The following AK4 variants were observed in gnomAD, a reference collection of about 807,000 sequenced individuals.
The protein encoded by AK4 is adenylate kinase 4, mitochondrial.
A neutral mutation model predicts 24.6 loss-of-function variants in AK4; 13 were observed. That is an observed-to-expected ratio of 0.53 (90% CI 0.34 to 0.84). The LOEUF is 0.84. AK4 is among the 40% of genes least tolerant of loss of function. The probability of loss-of-function intolerance (pLI) is 0.01; values close to 1 mark genes in which losing one functional copy is unlikely to be tolerated. For missense variants in AK4, 192 were observed against 288.2 expected (o/e 0.67, Z 2.42); for synonymous variants, 88 against 107.0 (o/e 0.82, Z 1.10).
At chr1:65,210,768 A>G (rs1279778823) in intron 2 of AK4, among the ~76,000 whole-genome samples, 1 of 151,886 alleles carries the variant, frequency 6.6e-6, no homozygotes, top group East Asian at 1.9e-4. Flanking sequence ...TTTTCCCAGT[A>G]CCGTCCGCCC....
At chr1:65,189,183 C>T (rs891762818) in intron 1 of AK4, among the ~76,000 whole-genome samples, 3 of 152,058 alleles carry the variant, frequency 2.0e-5, no homozygotes, top group Non-Finnish European at 2.9e-5. Flanking sequence ...GATCCGCCTG[C>T]CTCGACCTCC....
At chr1:65,159,365 G>A (rs1299063271) in intron 1 of AK4, among the ~76,000 whole-genome samples, 3 of 152,204 alleles carry the variant, frequency 2.0e-5, no homozygotes, top group African/African-American at 4.8e-5. Flanking sequence ...GAAAGGTTGA[G>A]TAACTAACTT....
At chr1:65,164,718 C>G (rs370902185) in intron 1 of AK4, among the ~76,000 whole-genome samples, 6 of 152,264 alleles carry the variant, frequency 3.9e-5, no homozygotes, top group East Asian at 3.9e-4. Flanking sequence ...CTTGATGGCT[C>G]CCTTGGAAGC....
chr1:65,218,307 T>C lies in AK4; in HGVS notation c.266-447T>C, dbSNP rs7550324. ...TTTTTAACAGAAGTGGAAATGGAGG[T>C]GATGTAACTTGCCTGAGGTGACACA... is the stretch of plus-strand genomic sequence containing the variant. On this transcript the variant is annotated intron_variant, in intron 2 of 4. Transcript: ENST00000327299. 6.5e-3 allele frequency among the ~76,000 whole-genome samples: 991 copies of C among 152,094 alleles called. 10 individuals carry two copies. Among genetic ancestry groups the C allele is most frequent in the Middle Eastern group, 0.027 (8 of 294 alleles).
chr1:65,219,387 G>A (rs1181715202), intron 3 of AK4, among the ~76,000 whole-genome samples: 1 of 151,982 alleles, frequency 6.6e-6, no homozygotes, highest in Admixed American at 6.6e-5. Flanking sequence ...GAATAGCTGT[G>A]GAAATGGAAG....
intron 1 of AK4, among the ~76,000 whole-genome samples, chr1:65,152,467 G>A (rs1649830531): frequency 7.7e-6 from 1 of 129,444 alleles, no homozygotes; most frequent in Admixed American, 8.9e-5. Context: ...CAGTGGCACA[G>A]TCTCGGCTCA....
intron 1 of AK4, among the ~76,000 whole-genome samples, chr1:65,160,136 C>A (rs1320133648): frequency 1.3e-5 from 2 of 152,174 alleles, no homozygotes; most frequent in East Asian, 3.8e-4. Flanking sequence ...CATCTGAGTA[C>A]TCTAGAAACT....
intron 2 of AK4, among the ~76,000 whole-genome samples, chr1:65,204,352 A>G (rs937913096): frequency 3.3e-5 from 5 of 152,006 alleles, no homozygotes; most frequent in Admixed American, 2.6e-4. Flanking sequence ...GGCACGCACC[A>G]CCGTGACTGG....
chr1:65,199,620 CTT>C (rs1651601241), intron 2 of AK4, among the ~76,000 whole-genome samples: 1 of 152,068 alleles, frequency 6.6e-6, no homozygotes, highest in Non-Finnish European at 1.5e-5. Flanking sequence ...AATGCTGTGT[CTT>C]TAAGTTTGTG....
At chr1:65,225,510 A>G (rs1652426047) in intron 4 of AK4, among the ~76,000 whole-genome samples, 1 of 152,140 alleles carries the variant, frequency 6.6e-6, no homozygotes, top group Admixed American at 6.5e-5. Context: ...GTGAGGGGGA[A>G]TCTCAGTTTT....
intron 1 of AK4, among the ~76,000 whole-genome samples, chr1:65,175,161 G>T (rs1264094155): frequency 6.6e-6 from 1 of 152,176 alleles, no homozygotes; most frequent in African/African-American, 2.4e-5. Context: ...CGTTGTTCTT[G>T]CTGGCTGTTG....
At chr1:65,204,647 A>G (rs962498315) in intron 2 of AK4, among the ~76,000 whole-genome samples, 1 of 152,206 alleles carries the variant, frequency 6.6e-6, no homozygotes, top group African/African-American at 2.4e-5. Context: ...GGAGACTGAC[A>G]TATTTGTTTT....
chr1:65,191,460 G>A (rs1007279089), intron 2 of AK4, among the ~76,000 whole-genome samples: 3 of 151,918 alleles, frequency 2.0e-5, no homozygotes, highest in Non-Finnish European at 2.9e-5. Context: ...TATTCTGTTG[G>A]TAGGAGGAGG....
intron 3 of AK4, among the ~76,000 whole-genome samples, chr1:65,223,942 G>A (rs558050117): frequency 9.2e-5 from 14 of 152,210 alleles, no homozygotes; most frequent in East Asian, 3.9e-4. Flanking sequence ...GCAGTGAGCC[G>A]AGATCGAGCC....
intron 2 of AK4, among the ~76,000 whole-genome samples, chr1:65,209,438 TG>T: frequency 1.3e-5 from 2 of 152,348 alleles, no homozygotes; most frequent in East Asian, 3.8e-4. Flanking sequence ...TCTCTCTAAA[TG>T]GAAAAATTAT....
intron 1 of AK4, 44 bp downstream of exon 1, chr1:65,148,596 G>A: frequency 1.3e-6 from 2 of 1,554,586 alleles, no homozygotes; most frequent in Non-Finnish European, 1.7e-6. Context: ...GCCGCGTTGG[G>A]CTGGGGTGAG....
intron 1 of AK4, among the ~76,000 whole-genome samples, chr1:65,156,349 G>T (rs1162454204): frequency 6.6e-6 from 1 of 151,946 alleles, no homozygotes; most frequent in Non-Finnish European, 1.5e-5. Context: ...GTATAGCAGT[G>T]CCTCTTTTTT....
intron 1 of AK4, among the ~76,000 whole-genome samples, chr1:65,165,233 AGTT>A (rs1368260196): frequency 6.6e-6 from 1 of 152,218 alleles, no homozygotes; most frequent in East Asian, 1.9e-4. Context: ...CTTGCTTAAT[AGTT>A]GTTTGTTATA....
chr1:65,190,557 G>A (rs1296152554), intron 1 of AK4, among the ~76,000 whole-genome samples, 153 bp from the exon 2 acceptor site: 1 of 151,982 alleles, frequency 6.6e-6, no homozygotes, highest in Non-Finnish European at 1.5e-5. Flanking sequence ...CCTTATTGAC[G>A]TGAATATTTT....
Sources: gnomAD v4.1 joint callset for allele counts (sites outside exome capture counted in the v4.1 genomes callset) on GRCh38, gnomAD v4.1.1 for gene constraint, MANE v1.5 for transcripts, NCBI Gene and HGNC (gene_info 2026-07-23, HGNC 2026-07-21) for gene names.